Variants in RGS5 observed in about 807,000 individuals in gnomAD.
RGS5 encodes regulator of G-protein signalling 5.
A neutral mutation model predicts 18.9 loss-of-function variants in RGS5; 20 were observed. That is an observed-to-expected ratio of 1.06 (90% CI 0.74 to 1.54). RGS5 has a LOEUF of 1.54. Among genes scored for constraint, RGS5 ranks in the 40% most tolerant of loss-of-function variants. RGS5 has a pLI of 0.00. For synonymous variants in RGS5, 57 were observed against 76.2 expected (o/e 0.75, Z 1.31); for missense variants, 201 against 211.8 (o/e 0.95, Z 0.32).
At chr1:163,257,676 T>C (rs1648316146) in intron 2 of RGS5, among the ~76,000 whole-genome samples, 1 of 152,184 alleles carries the variant, frequency 6.6e-6, no homozygotes, top group Non-Finnish European at 1.5e-5. Context: ...AAGTGACATT[T>C]CCTGGAAGGA....
At chr1:163,187,772 C>T (rs1226688880) in intron 1 of RGS5, among the ~76,000 whole-genome samples, 1 of 152,068 alleles carries the variant, frequency 6.6e-6, no homozygotes, top group Non-Finnish European at 1.5e-5. Flanking sequence ...TTAAGTGTTT[C>T]CCTGAGTTCT....
intron 2 of RGS5, among the ~76,000 whole-genome samples, chr1:163,235,492 A>G (rs1557914670): frequency 6.6e-6 from 1 of 152,222 alleles, no homozygotes; most frequent in Non-Finnish European, 1.5e-5. Flanking sequence ...CTTCCACAGT[A>G]GGGACTATTT....
chr1:163,288,854 C>T (rs1411800731), intron 2 of RGS5, among the ~76,000 whole-genome samples: 2 of 152,136 alleles, frequency 1.3e-5, no homozygotes, highest in African/African-American at 4.8e-5. Flanking sequence ...ATCTATTTTG[C>T]TCCAATACTT....
upstream of RGS5, among the ~76,000 whole-genome samples, chr1:163,203,559 C>G (rs981458200): frequency 4.6e-5 from 7 of 152,120 alleles, no homozygotes; most frequent in Middle Eastern, 3.2e-3. Flanking sequence ...TAAATCAAAA[C>G]AAATATGAAT....
chr1:163,276,774 A>C (rs1648868386), intron 2 of RGS5, among the ~76,000 whole-genome samples: 1 of 152,184 alleles, frequency 6.6e-6, no homozygotes. Context: ...AGACAAAATA[A>C]AAATTTGGTG....
intron 2 of RGS5, among the ~76,000 whole-genome samples, chr1:163,269,418 G>A (rs1036901938): frequency 6.6e-6 from 1 of 152,088 alleles, no homozygotes; most frequent in African/African-American, 2.4e-5. Flanking sequence ...CAACATAGCA[G>A]GGCCAGAGGG....
chr1:163,183,458 G>A (rs1331497607), intron 1 of RGS5, among the ~76,000 whole-genome samples: 2 of 152,168 alleles, frequency 1.3e-5, no homozygotes, highest in Non-Finnish European at 2.9e-5. Flanking sequence ...TTACAAAGGA[G>A]ACATGTATAG....
At chr1:163,148,461 T>G (rs1657244174) in intron 4 of RGS5, among the ~76,000 whole-genome samples, 1 of 152,180 alleles carries the variant, frequency 6.6e-6, no homozygotes, top group Non-Finnish European at 1.5e-5. Context: ...TGCCAGGCAC[T>G]TTGCACGGAT....
intron 1 of RGS5, among the ~76,000 whole-genome samples, chr1:163,309,062 C>G (rs1462200099): frequency 7.5e-6 from 1 of 133,118 alleles, no homozygotes; most frequent in Non-Finnish European, 1.8e-5. Flanking sequence ...AGGGTGATGA[C>G]TGATAGGCTG....
intron 2 of RGS5, among the ~76,000 whole-genome samples, chr1:163,265,067 T>C (rs991330037): frequency 8.5e-5 from 13 of 152,126 alleles, no homozygotes; most frequent in African/African-American, 3.1e-4. Flanking sequence ...TCCAACTCAG[T>C]AGTATGTCCT....
intron 2 of RGS5, among the ~76,000 whole-genome samples, chr1:163,233,121 A>T (rs1172530881): frequency 6.6e-6 from 1 of 152,220 alleles, no homozygotes; most frequent in Non-Finnish European, 1.5e-5. Flanking sequence ...TTGGATTTTT[A>T]AAAAATATTT....
chr1:163,284,190 A>G (rs774668939), intron 2 of RGS5, among the ~76,000 whole-genome samples: 3 of 152,204 alleles, frequency 2.0e-5, no homozygotes, highest in African/African-American at 4.8e-5. Context: ...TTGTTGTTAC[A>G]TAATAAGTGA....
chr1:163,260,304 T>C (rs531576185), intron 2 of RGS5: 2 of 152,348 alleles, frequency 1.3e-5, no homozygotes, highest in African/African-American at 4.8e-5. Flanking sequence ...ATATAAATAT[T>C]TGTTTCTTTC....
chr1:163,157,106 C>G (rs936241455), intron 3 of RGS5, among the ~76,000 whole-genome samples: 7 of 152,114 alleles, frequency 4.6e-5, no homozygotes, highest in Non-Finnish European at 1.0e-4. Flanking sequence ...ATGGACAAAT[C>G]TAAATCACAA....
At chr1:163,192,540 A>C (rs1383847554) in intron 1 of RGS5, among the ~76,000 whole-genome samples, 1 of 152,244 alleles carries the variant, frequency 6.6e-6, no homozygotes, top group Non-Finnish European at 1.5e-5. Context: ...TTTGTGAAAG[A>C]AAAATGTTTC....
At chr1:163,163,033 A>C (rs1657873429) in intron 2 of RGS5, among the ~76,000 whole-genome samples, 1 of 81,750 alleles carries the variant, frequency 1.2e-5, no homozygotes, top group Non-Finnish European at 2.5e-5. Flanking sequence ...TTATACAATG[A>C]TATTTCGGGG....
chr1:163,164,741 C>G (rs1035897464), intron 2 of RGS5, among the ~76,000 whole-genome samples: 4 of 152,180 alleles, frequency 2.6e-5, no homozygotes, highest in Non-Finnish European at 5.9e-5. Flanking sequence ...GTCCCATGAA[C>G]CATTATTACT....
chr1:163,288,530 C>G (rs982414939), intron 2 of RGS5, among the ~76,000 whole-genome samples: 1 of 152,172 alleles, frequency 6.6e-6, no homozygotes, highest in African/African-American at 2.4e-5. Flanking sequence ...AAATTCAATT[C>G]TCTCCTTCAG....
At chr1:163,303,550 A>C (rs1649619296) in intron 2 of RGS5, among the ~76,000 whole-genome samples, 2 of 152,214 alleles carry the variant, frequency 1.3e-5, no homozygotes, top group South Asian at 4.1e-4. Flanking sequence ...AGAGAGCTAT[A>C]AGGATGAAGA....
Sources: gnomAD v4.1 joint callset for allele counts (sites outside exome capture counted in the v4.1 genomes callset) on GRCh38, gnomAD v4.1.1 for gene constraint, MANE v1.5 for transcripts, NCBI Gene and HGNC (gene_info 2026-07-23, HGNC 2026-07-21) for gene names.